The following ADGRL2 variants were observed in gnomAD, a reference collection of about 807,000 sequenced individuals.
ADGRL2 encodes the protein calcium-independent alpha-latrotoxin receptor 2.
In ADGRL2, 44 loss-of-function variants were observed where a neutral mutation model predicts 157.4. The observed-to-expected ratio is 0.28, with a 90% CI of 0.22 to 0.36. The LOEUF (loss-of-function observed/expected upper bound fraction) is 0.36. Ranked by LOEUF, ADGRL2 falls within the 10% of genes least tolerant of loss-of-function variation. ADGRL2 has a pLI of 1.00. For missense variants in ADGRL2, 1,510 were observed against 1,768.9 expected (o/e 0.85, Z 2.63); for synonymous variants, 585 against 624.7 (o/e 0.94, Z 0.95).
chr1:81,675,208 A>G (rs2082960967), intron 3 of ADGRL2, among the ~76,000 whole-genome samples: 1 of 152,238 alleles, frequency 6.6e-6, no homozygotes, highest in Non-Finnish European at 1.5e-5. Context: ...AGCCTGTTAC[A>G]TAATAAAAGC....
rs148329073 is a variant in ADGRL2, at chr1:81,476,163, CAGAG to C, written c.-248+31080_-248+31083del. 2.6e-3 allele frequency among the ~76,000 whole-genome samples: 385 copies of C among 150,284 alleles called. 1 individual carries two copies. Among genetic ancestry groups the C allele is most frequent in the African/African-American group, 9.1e-3 (371 of 40,806 alleles). On this transcript the variant is annotated intron_variant, in intron 2 of 24. Transcript: ENST00000370721. ...AAAGAAAGAGAAAGAGCATAAGTGACAGAGAGAGAAAGAAAAAGAAAAAAAGGAA... is the reference window on the plus strand; with the variant it reads ...AAAGAAAGAGAAAGAGCATAAGTGACAGAGAAAGAAAAAGAAAAAAAGGAA...
Position 81,992,537 on chromosome 1 carries a change from A to G in ADGRL2, c.*1392A>G, listed in dbSNP as rs1327700927. On this transcript the variant is annotated 3_prime_UTR_variant, in exon 24 of 24. Coordinates refer to ENST00000686636, the MANE Select transcript of ADGRL2 (RefSeq NM_001366006.2). ...GTCCATGGATATATGAAAGGATACA[A>G]TTAAGTTGCCTGTTTGTTCTTTATG... 2 of 152,400 alleles carry G rather than the reference A, an allele frequency of 1.3e-5. No individual in the cohort carries two copies. The highest frequency in any genetic ancestry group is 4.8e-5 in the African/African-American group (2 of 41,460). 9.4% of individuals were successfully genotyped at this position (152,400 alleles called of 1,614,324 possible). A position where few individuals can be genotyped will look rare whatever the true frequency, so the allele number is the denominator to read the frequency against.
chr1:81,555,972 G>T (rs549513617), intron 2 of ADGRL2, among the ~76,000 whole-genome samples: 5 of 151,200 alleles, frequency 3.3e-5, no homozygotes, highest in Non-Finnish European at 2.9e-5. Flanking sequence ...AAAATTTAGC[G>T]TATCACTGCT....
intron 17 of ADGRL2, 85 bp downstream of exon 17, chr1:81,972,003 T>C: frequency 1.3e-6 from 1 of 777,450 alleles, no homozygotes. Flanking sequence ...TTATTGTTTG[T>C]TTATCTATCT....
chr1:81,817,725 G>A (rs1053655847), intron 1 of ADGRL2, among the ~76,000 whole-genome samples: 1 of 151,840 alleles, frequency 6.6e-6, no homozygotes, highest in Non-Finnish European at 1.5e-5. Context: ...TTTTTTGGCG[G>A]CCTTGTCCCC....
rs71085362 is a variant in ADGRL2 at position 81,459,812 on chromosome 1, G to GTATA, written c.-248+14740_-248+14743dup. 3.0e-3 allele frequency among the ~76,000 whole-genome samples: 429 copies of GTATA among 144,692 alleles called. 4 individuals are homozygous for GTATA. Among genetic ancestry groups the GTATA allele is most frequent in the African/African-American group, 7.2e-3 (280 of 38,966 alleles). 94.9% of individuals were successfully genotyped at this position (144,692 alleles called of 152,430 possible). A position where few individuals can be genotyped will look rare whatever the true frequency, so the allele number is the denominator to read the frequency against. ...TGTATATATATATATGTATGTGTTT[G>GTATA]TATATATATATATATATATACACAC... On this transcript the variant is annotated intron_variant, in intron 2 of 24. Transcript: ENST00000370721.
chr1:81,386,163 C>A, intron 1 of ADGRL2, among the ~76,000 whole-genome samples: 1 of 152,078 alleles, frequency 6.6e-6, no homozygotes, highest in East Asian at 1.9e-4. Flanking sequence ...AGTACAAGGT[C>A]AAATTCAAAG....
At chr1:81,626,105 G>T (rs1228614540) in intron 3 of ADGRL2, among the ~76,000 whole-genome samples, 4 of 152,100 alleles carry the variant, frequency 2.6e-5, no homozygotes, top group African/African-American at 9.7e-5. Context: ...AAACACAGGG[G>T]CTTCAACACT....
rs149388546 is a variant in ADGRL2, at chr1:81,603,067, T to C, written c.-143+22087T>C. Among the ~76,000 whole-genome samples the C allele has an allele frequency of 5.9e-4, 90 of 152,238 alleles. 1 individual carries two copies. The highest frequency in any genetic ancestry group is 3.4e-3 in the Middle Eastern group (1 of 294). On this transcript the variant is annotated intron_variant, in intron 3 of 24. Transcript: ENST00000370721. ...AACAGAGTCAAAGACTAGATCACTC[T>C]CTCTTTTCTCTCTCTTTTTTTCTCC... is the stretch of plus-strand genomic sequence containing the variant.
intron 19 of ADGRL2, among the ~76,000 whole-genome samples, chr1:81,982,651 T>C (rs777089586): frequency 2.0e-5 from 3 of 151,958 alleles, no homozygotes; most frequent in Non-Finnish European, 4.4e-5. Flanking sequence ...TTATTACTAG[T>C]TGGTCACTAA....
chr1:81,829,610 T>C (rs566611919), intron 1 of ADGRL2, among the ~76,000 whole-genome samples: 1 of 152,208 alleles, frequency 6.6e-6, no homozygotes, highest in Non-Finnish European at 1.5e-5. Flanking sequence ...AATCTATAAG[T>C]AGATTTCAAA....
At chr1:81,884,987 G>A (rs1324770379) in intron 2 of ADGRL2, among the ~76,000 whole-genome samples, 1 of 152,154 alleles carries the variant, frequency 6.6e-6, no homozygotes, top group African/African-American at 2.4e-5. Context: ...TGGAAAACAA[G>A]TGTCTTTAAT....
intron 1 of ADGRL2, among the ~76,000 whole-genome samples, chr1:81,391,091 C>T (rs539143588): frequency 2.2e-4 from 33 of 152,370 alleles, no homozygotes; most frequent in Non-Finnish European, 4.0e-4. Flanking sequence ...TTAGCATATG[C>T]TGTTTGAAGT....
intron 2 of ADGRL2, among the ~76,000 whole-genome samples, chr1:81,487,249 G>A (rs765908983): frequency 7.2e-5 from 11 of 152,036 alleles, no homozygotes; most frequent in Non-Finnish European, 1.3e-4. Context: ...GACAGAGTGA[G>A]ACTCTGTTTC....
At chr1:81,724,910 T>G (rs1378442130) in intron 1 of ADGRL2, among the ~76,000 whole-genome samples, 1 of 152,160 alleles carries the variant, frequency 6.6e-6, no homozygotes, top group African/African-American at 2.4e-5. Context: ...TTTAAAATCC[T>G]TTAAAAACAC....
chr1:81,891,200 ATAT>A (rs1165637483), intron 2 of ADGRL2, among the ~76,000 whole-genome samples: 1 of 151,552 alleles, frequency 6.6e-6, no homozygotes, highest in Non-Finnish European at 1.5e-5. Flanking sequence ...TACTGTATTT[ATAT>A]TATTTAACGT....
chr1:81,887,324 C>T (rs1479112108), intron 2 of ADGRL2, among the ~76,000 whole-genome samples: 9 of 152,134 alleles, frequency 5.9e-5, no homozygotes, highest in Admixed American at 5.9e-4. Flanking sequence ...CATAACTATC[C>T]TTGGTTCCAA....
In ADGRL2 at chr1:81,984,586, C is replaced by A. The variant is rs1662620669; in HGVS notation, c.3286C>A (p.Arg1096=). The A allele has an allele frequency of 6.2e-7, 1 of 1,602,148 alleles. No homozygotes were observed. Among genetic ancestry groups the A allele is most frequent in the Non-Finnish European group, 8.5e-7 (1 of 1,171,664 alleles). ...GTCTTGTGATTATTCAATGCAGGTA[C>A]GAAAAGAATATGGCAAGTGCTTCAG... ...IFHCALQKKV[R]KEYGKCFRHS... The change falls in exon 20 of 24, where the codon CGA becomes AGA. Residue 1096 remains arginine, a synonymous_variant. Coordinates refer to ENST00000686636, the MANE Select transcript of ADGRL2 (RefSeq NM_001366006.2).
At chr1:81,836,555 T>TA (rs2092292415) in intron 1 of ADGRL2, among the ~76,000 whole-genome samples, 1 of 152,092 alleles carries the variant, frequency 6.6e-6, no homozygotes. Context: ...ACTGGATCCA[T>TA]AGGGGCTATG....
Sources: allele counts gnomAD v4.1 joint callset (sites outside exome capture counted in the v4.1 genomes callset), GRCh38; gene constraint gnomAD v4.1.1; transcripts MANE v1.5; gene names NCBI Gene and HGNC (gene_info 2026-07-23, HGNC 2026-07-21).